Variants in GRM1 observed in about 807,000 individuals in gnomAD.
GRM1 encodes metabotropic glutamate receptor 1.
GRM1 carries 33 observed loss-of-function variants against 90.9 expected under a neutral mutation model. The observed-to-expected ratio is 0.36, with a 90% CI of 0.28 to 0.49. GRM1 has a LOEUF of 0.49. Among genes scored for constraint, GRM1 ranks in the 20% least tolerant of loss-of-function variants. The pLI is 0.99. For synonymous variants in GRM1, 700 were observed against 613.2 expected (o/e 1.14, Z -2.09); for missense variants, 1,190 against 1,534.3 (o/e 0.78, Z 3.75).
intron 5 of GRM1, among the ~76,000 whole-genome samples, chr6:146,366,331 CTTTGTG>C (rs1245901333): frequency 6.6e-6 from 1 of 152,104 alleles, no homozygotes; most frequent in African/African-American, 2.4e-5. Context: ...TTTATCATTT[CTTTGTG>C]TTTGGGAATA....
At chr6:146,366,020 G>T (rs1562642130) in intron 5 of GRM1, among the ~76,000 whole-genome samples, 1 of 152,148 alleles carries the variant, frequency 6.6e-6, no homozygotes, top group Admixed American at 6.6e-5. Context: ...TTTTTCCAAA[G>T]CCTTTTTTTG....
intron 7 of GRM1, among the ~76,000 whole-genome samples, chr6:146,420,118 A>G (rs1188145172): frequency 6.6e-6 from 1 of 152,236 alleles, no homozygotes; most frequent in African/African-American, 2.4e-5. Context: ...AGCTGAATAC[A>G]TCTGACATAC....
chr6:146,149,959 G>A (rs185940251), intron 1 of GRM1, among the ~76,000 whole-genome samples: 1 of 152,220 alleles, frequency 6.6e-6, no homozygotes, highest in African/African-American at 2.4e-5. Flanking sequence ...TGGGAACACC[G>A]GGACAGGTGA....
intron 2 of GRM1, among the ~76,000 whole-genome samples, chr6:146,291,410 GT>G (rs1249095596): frequency 1.3e-5 from 2 of 150,648 alleles, no homozygotes; most frequent in East Asian, 3.9e-4. Flanking sequence ...TTTATACTTT[GT>G]AAAGCCTTCC....
At chr6:146,073,724 G>A (rs1776091156) in intron 1 of GRM1, among the ~76,000 whole-genome samples, 1 of 151,992 alleles carries the variant, frequency 6.6e-6, no homozygotes. Context: ...AATTAAAATG[G>A]CCACAAGAAT....
chr6:146,157,657 C>T (rs1017393872), intron 1 of GRM1, among the ~76,000 whole-genome samples: 1 of 151,450 alleles, frequency 6.6e-6, no homozygotes, highest in African/African-American at 2.4e-5. Context: ...ATTGATTATC[C>T]AAGAGAGGGA....
At chr6:146,028,750 C>A (rs1313061198), upstream of GRM1, among the ~76,000 whole-genome samples, 2 of 152,220 alleles carry the variant, frequency 1.3e-5, no homozygotes, top group African/African-American at 4.8e-5. Flanking sequence ...GTAAAAGGTG[C>A]ATCCTTTGTT....
chr6:146,082,450 C>A (rs1439202478), intron 1 of GRM1, among the ~76,000 whole-genome samples: 1 of 152,196 alleles, frequency 6.6e-6, no homozygotes, highest in Middle Eastern at 3.2e-3. Context: ...GCCACCATGC[C>A]TGGCCTGTGG....
chr6:146,246,883 T>C (rs539721372), intron 2 of GRM1, among the ~76,000 whole-genome samples: 4 of 152,298 alleles, frequency 2.6e-5, no homozygotes, highest in East Asian at 1.9e-4. Context: ...TTGATATACA[T>C]TGTAGTTTGA....
intron 1 of GRM1, among the ~76,000 whole-genome samples, chr6:146,145,549 G>A (rs985964500): frequency 1.2e-4 from 19 of 152,180 alleles, no homozygotes; most frequent in African/African-American, 4.6e-4. Context: ...AATATAAGTT[G>A]TAAACTTTGG....
At chr6:146,315,649 A>G (rs1034119460) in intron 3 of GRM1, among the ~76,000 whole-genome samples, 7 of 152,190 alleles carry the variant, frequency 4.6e-5, no homozygotes, top group Admixed American at 3.9e-4. Context: ...AAATAGAATC[A>G]GAATCTTTGG....
chr6:146,321,062 T>G (rs1583320972), intron 3 of GRM1, among the ~76,000 whole-genome samples: 1 of 152,212 alleles, frequency 6.6e-6, no homozygotes, highest in African/African-American at 2.4e-5. Context: ...AATTGTGATG[T>G]TACGGTATTG....
At chr6:146,148,297 AAC>A (rs1222010421) in intron 1 of GRM1, among the ~76,000 whole-genome samples, 7 of 139,392 alleles carry the variant, frequency 5.0e-5, no homozygotes, top group South Asian at 4.6e-4. Context: ...AAAATATAAA[AAC>A]ACAATTACAT....
chr6:146,202,619 C>A (rs761717024), intron 2 of GRM1, among the ~76,000 whole-genome samples: 7 of 152,146 alleles, frequency 4.6e-5, no homozygotes, highest in Non-Finnish European at 7.4e-5. Flanking sequence ...ATGTACCCTG[C>A]AGTTTAAGTC....
chr6:146,309,003 T>G (rs895326928), intron 3 of GRM1, among the ~76,000 whole-genome samples: 16 of 152,182 alleles, frequency 1.1e-4, no homozygotes, highest in African/African-American at 3.9e-4. Context: ...TGCAGTGATA[T>G]AATAAAAAAA....
chr6:146,083,089 A>G (rs377254734), intron 1 of GRM1, among the ~76,000 whole-genome samples: 13 of 152,164 alleles, frequency 8.5e-5, no homozygotes, highest in East Asian at 5.8e-4. Flanking sequence ...TTGATTTTGT[A>G]TCCTGAGACT....
intron 3 of GRM1, among the ~76,000 whole-genome samples, chr6:146,307,071 A>G (rs1454949697): frequency 6.6e-6 from 1 of 152,214 alleles, no homozygotes; most frequent in African/African-American, 2.4e-5. Context: ...AGCTCTCAAA[A>G]CAAGTTAAAA....
At chr6:146,033,878 G>A (rs1279325484) in intron 1 of GRM1, among the ~76,000 whole-genome samples, 8 of 151,970 alleles carry the variant, frequency 5.3e-5, no homozygotes, top group African/African-American at 1.7e-4. Context: ...GCAATTACCT[G>A]TAATAATTTT....
chr6:146,411,760 CA>C (rs1410099929), intron 7 of GRM1, among the ~76,000 whole-genome samples: 1 of 152,120 alleles, frequency 6.6e-6, no homozygotes, highest in Non-Finnish European at 1.5e-5. Context: ...TCAAAAAATT[CA>C]ATGTTAAGAT....
Sources: allele counts gnomAD v4.1 joint callset (sites outside exome capture counted in the v4.1 genomes callset), GRCh38; gene constraint gnomAD v4.1.1; transcripts MANE v1.5; gene names NCBI Gene and HGNC (gene_info 2026-07-23, HGNC 2026-07-21).